GPR180: variants seen among roughly 807,000 people sequenced by gnomAD.
The protein encoded by GPR180 is G protein-coupled receptor 180.
In GPR180, 53 loss-of-function variants were observed where a neutral mutation model predicts 52.6. That is an observed-to-expected ratio of 1.01 (90% confidence interval 0.81 to 1.27). GPR180 has a LOEUF of 1.27. Among genes scored for constraint, GPR180 ranks in the 50% most tolerant of loss-of-function variants. The probability of loss-of-function intolerance (pLI) is 0.00; values close to 1 mark genes in which losing one functional copy is unlikely to be tolerated. For missense variants in GPR180, 533 were observed against 527.0 expected (o/e 1.01, Z -0.11); for synonymous variants, 200 against 193.1 (o/e 1.04, Z -0.30).
Position 94,614,383 on chromosome 13 carries a change from C to T in GPR180, c.505+1993C>T, listed in dbSNP as rs190932292. 3.0e-3 allele frequency among the ~76,000 whole-genome samples: 459 copies of T among 152,318 alleles called. 1 individual carries two copies. Among genetic ancestry groups the T allele is most frequent in the African/African-American group, 0.011 (449 of 41,586 alleles). Reference sequence around the variant, plus strand: ...GGTGGTTTTATGTATTGAGTAGATCCATGAGACTTTTCTGGATCCTGATAT... The same window carrying T: ...GGTGGTTTTATGTATTGAGTAGATCTATGAGACTTTTCTGGATCCTGATAT... On this transcript the variant is annotated intron_variant, in intron 3 of 8. Coordinates refer to ENST00000376958, the MANE Select transcript of GPR180 (RefSeq NM_180989.6).
At chr13:94,603,829 A>C (rs1436085117) in intron 1 of GPR180, among the ~76,000 whole-genome samples, 1 of 152,230 alleles carries the variant, frequency 6.6e-6, no homozygotes, top group Non-Finnish European at 1.5e-5. Flanking sequence ...CCCTTTCCCT[A>C]GAGGCAATAA....
Position 94,619,330 on chromosome 13 carries a change from G to A in GPR180, c.686G>A (p.Ser229Asn), listed in dbSNP as rs1281937992. 6.2e-7 allele frequency: 1 copy of A among 1,613,290 alleles called. No homozygotes were observed. Among genetic ancestry groups the A allele is most frequent in the East Asian group, 2.2e-5 (1 of 44,840 alleles). ...TTAGCTAATTACATTCATTTCTCCA[G>A]GTAACTCAAAACCACTAAAACTGTG... ...SALANYIHFSSYSKDGIGVPF... is the reference protein window; with the variant it reads ...SALANYIHFSNYSKDGIGVPF... Residue 229 changes from serine to asparagine, a missense_variant and splice_region_variant, in exon 4 of 9, where the codon AGT (serine) becomes AAT (asparagine). Transcript: ENST00000376958.
intron 1 of GPR180, among the ~76,000 whole-genome samples, chr13:94,604,228 G>A (rs1038160916): frequency 6.6e-6 from 1 of 152,146 alleles, no homozygotes; most frequent in African/African-American, 2.4e-5. Context: ...AGCTATTTTG[G>A]GAGGGTGAGG....
chr13:94,624,189 A>G (rs1311278205), intron 7 of GPR180, among the ~76,000 whole-genome samples: 2 of 152,308 alleles, frequency 1.3e-5, no homozygotes, highest in East Asian at 1.9e-4. Flanking sequence ...CAGTAACATT[A>G]TAGAACCTTC....
In GPR180 at chr13:94,627,291, G is replaced by T; in HGVS notation, c.*120G>T. On this transcript the variant is annotated 3_prime_UTR_variant, in exon 9 of 9. Coordinates refer to ENST00000376958, the MANE Select transcript of GPR180 (RefSeq NM_180989.6). ...AACTTGAACAGCGAAAGCAGAGCAT[G>T]TTATTTATATAACTGCATTTAAGCA... is the stretch of plus-strand genomic sequence containing the variant. The T allele has an allele frequency of 1.3e-6, 1 of 763,278 alleles. No homozygotes were observed. Among genetic ancestry groups the T allele is most frequent in the Non-Finnish European group, 2.1e-6 (1 of 471,544 alleles). The allele number at this position is 763,278 out of a possible 1,614,324, so 47.3% of individuals were successfully genotyped here.
At chr13:94,605,599 T>C (rs1481044201) in intron 2 of GPR180, 50 bp downstream of exon 2, 3 of 1,503,932 alleles carry the variant, frequency 2.0e-6, no homozygotes, top group Admixed American at 1.9e-5. Flanking sequence ...TTTTTCCTCC[T>C]AATGTTGAAA....
In GPR180 at chr13:94,629,885, T is replaced by C. The variant is rs892091636; in HGVS notation, c.*2714T>C. 7.2e-5 allele frequency: 11 copies of C among 152,214 alleles called. No homozygotes were observed. Among genetic ancestry groups the C allele is most frequent in the African/African-American group, 2.7e-4 (11 of 41,454 alleles). The allele number at this position is 152,214 out of a possible 1,614,324, so 9.4% of individuals were successfully genotyped here. A position where few individuals can be genotyped will look rare whatever the true frequency, so the allele number is the denominator to read the frequency against. ...AAATCTGAGATCATCTCTAAAATAA[T>C]GAGACTAGAACCTATCTATCAACAT... On this transcript the variant is annotated 3_prime_UTR_variant, in exon 9 of 9. Transcript: ENST00000376958.
rs907847681 is a variant in GPR180, at chr13:94,633,538, T to C, written c.*6367T>C. ...GTTCTACGATCTGTTAACATATTTT[T>C]CCCACTTTTCTATTGGGTTGGTTGT... On this transcript the variant is annotated 3_prime_UTR_variant, in exon 9 of 9. Coordinates refer to ENST00000376958, the MANE Select transcript of GPR180 (RefSeq NM_180989.6). 1 of 152,174 alleles carries C rather than the reference T, an allele frequency of 6.6e-6. No individual in the cohort carries two copies. Among genetic ancestry groups the C allele is most frequent in the African/African-American group, 2.4e-5 (1 of 41,450 alleles). The allele number at this position is 152,174 out of a possible 1,614,324, so 9.4% of individuals were successfully genotyped here.
chr13:94,603,554 A>G (rs184510439), intron 1 of GPR180, among the ~76,000 whole-genome samples: 4 of 152,362 alleles, frequency 2.6e-5, no homozygotes, highest in African/African-American at 9.6e-5. Context: ...TACAAAAACT[A>G]TACTGAAACA....
chr13:94,610,875 T>C (rs1029557736), intron 2 of GPR180, among the ~76,000 whole-genome samples: 3 of 152,196 alleles, frequency 2.0e-5, no homozygotes. Context: ...TCAGATGCCC[T>C]GGAGGAAAGG....
intron 2 of GPR180, among the ~76,000 whole-genome samples, chr13:94,610,612 A>G (rs1889690312): frequency 6.6e-6 from 1 of 151,932 alleles, no homozygotes; most frequent in Non-Finnish European, 1.5e-5. Context: ...AACTTGAGAC[A>G]CTCCTCTCCT....
chr13:94,606,162 G>A (rs920033530), intron 2 of GPR180, among the ~76,000 whole-genome samples: 18 of 152,166 alleles, frequency 1.2e-4, no homozygotes, highest in Non-Finnish European at 1.9e-4. Context: ...CAGGTGTGAT[G>A]GCATGCGCCT....
chr13:94,611,645 C>T (rs1446456399), intron 2 of GPR180, among the ~76,000 whole-genome samples: 1 of 152,076 alleles, frequency 6.6e-6, no homozygotes, highest in African/African-American at 2.4e-5. Context: ...TGTCCTTCAT[C>T]ATTGGTAGCC....
Position 94,621,351 on chromosome 13 carries a change from T to C in GPR180, c.894+116T>C, listed in dbSNP as rs547212429. ...TAAGGAATTTGTGTCATTTTTTTTT[T>C]CTTGAAATTTCTGAGCTTCTACAAT... On this transcript the variant is annotated intron_variant, in intron 6 of 8. Transcript: ENST00000376958. 1.2e-5 allele frequency: 9 copies of C among 739,946 alleles called. No homozygotes were observed. The East Asian group carries it at 2.1e-4, about 17-fold the overall frequency. 45.8% of individuals were successfully genotyped at this position (739,946 alleles called of 1,614,324 possible).
At position 94,634,355 on chromosome 13, in the gene GPR180, C is replaced by G. The variant is rs749133743; in HGVS notation, c.*7184C>G. The G allele has an allele frequency of 6.6e-6, 1 of 152,004 alleles. No individual in the cohort carries two copies. Among genetic ancestry groups the G allele is most frequent in the Admixed American group, 6.6e-5 (1 of 15,252 alleles). The allele number at this position is 152,004 out of a possible 1,614,324, so 9.4% of individuals were successfully genotyped here. A position where few individuals can be genotyped will look rare whatever the true frequency, so the allele number is the denominator to read the frequency against. On this transcript the variant is annotated 3_prime_UTR_variant, in exon 9 of 9. Transcript: ENST00000376958. Reference sequence around the variant, plus strand: ...CCCATAGTGATCCAAGAAACTAGTACGAAATGCCTTTCTGATTTTTTAAAA... The same window carrying G: ...CCCATAGTGATCCAAGAAACTAGTAGGAAATGCCTTTCTGATTTTTTAAAA...
Position 94,627,690 on chromosome 13 carries a change from A to G in GPR180, c.*519A>G, listed in dbSNP as rs1443365491. 2 of 152,426 alleles carry G rather than the reference A, an allele frequency of 1.3e-5. No individual in the cohort carries two copies. Among genetic ancestry groups the G allele is most frequent in the Non-Finnish European group, 2.9e-5 (2 of 68,170 alleles). The allele number at this position is 152,426 out of a possible 1,614,324, so 9.4% of individuals were successfully genotyped here. On this transcript the variant is annotated 3_prime_UTR_variant, in exon 9 of 9. Coordinates refer to ENST00000376958, the MANE Select transcript of GPR180 (RefSeq NM_180989.6). Reference sequence around the variant, plus strand: ...AATTACTTCAGGAAATGAATATAAAATAGGTTCACAGTTAAATGAATAAGC... The same window carrying G: ...AATTACTTCAGGAAATGAATATAAAGTAGGTTCACAGTTAAATGAATAAGC...
Position 94,605,427 on chromosome 13 carries a change from T to C in GPR180, c.182T>C (p.Ile61Thr). The C allele has an allele frequency of 1.2e-6, 2 of 1,614,130 alleles. No homozygotes were observed. Among genetic ancestry groups the C allele is most frequent in the Non-Finnish European group, 1.7e-6 (2 of 1,179,978 alleles). The change falls in exon 2 of 9, where the codon ATA (isoleucine) becomes ACA (threonine). Residue 61 changes from isoleucine (I) to threonine (T), a missense_variant. Ile to Thr is a moderately conservative substitution (Grantham distance 89, BLOSUM62 -1). Coordinates refer to ENST00000376958, the MANE Select transcript of GPR180 (RefSeq NM_180989.6). Reference protein sequence around the residue: ...HALLCVRINNIAVAVGKEAKL... With the variant: ...HALLCVRINNTAVAVGKEAKL... Reference sequence around the variant, plus strand: ...CTTCTGTGTGTCAGAATCAACAACATAGCAGTAGCTGTTGGAAAAGAAGCT... The same window carrying C: ...CTTCTGTGTGTCAGAATCAACAACACAGCAGTAGCTGTTGGAAAAGAAGCT...
chr13:94,606,169 G>A (rs1046901947), intron 2 of GPR180, among the ~76,000 whole-genome samples: 3 of 152,146 alleles, frequency 2.0e-5, no homozygotes, highest in East Asian at 3.9e-4. Flanking sequence ...GATGGCATGC[G>A]CCTGTAATCC....
chr13:94,614,158 C>T (rs931988180), intron 3 of GPR180, among the ~76,000 whole-genome samples: 4 of 152,136 alleles, frequency 2.6e-5, no homozygotes, highest in Non-Finnish European at 4.4e-5. Flanking sequence ...CGTGAGCCAC[C>T]GCACACAGCC....
Sources: gnomAD v4.1 joint callset for allele counts (sites outside exome capture counted in the v4.1 genomes callset) on GRCh38, gnomAD v4.1.1 for gene constraint, MANE v1.5 for transcripts, NCBI Gene and HGNC (gene_info 2026-07-23, HGNC 2026-07-21) for gene names.